The following ETV5 variants were observed in gnomAD, a reference collection of about 807,000 sequenced individuals.
The protein encoded by ETV5 is ETS variant transcription factor 5.
In ETV5, 10 loss-of-function variants were observed where a neutral mutation model predicts 70.0. The observed-to-expected ratio is 0.14, with a 90% CI of 0.09 to 0.24. ETV5 has a LOEUF of 0.24. Among genes scored for constraint, ETV5 ranks in the 10% least tolerant of loss-of-function variants. The pLI is 1.00. For synonymous variants in ETV5, 216 were observed against 242.2 expected, an observed-to-expected ratio of 0.89 and a Z score of 1.01; for missense variants, 453 against 651.2, an observed-to-expected ratio of 0.70 and a Z score of 3.31.
rs780199235 is a variant in ETV5 at position 186,065,825 on chromosome 3, A to C, written c.898T>G (p.Cys300Gly). 4 of 1,614,166 alleles carry C rather than the reference A, an allele frequency of 2.5e-6. No homozygotes were observed. Among genetic ancestry groups the C allele is most frequent in the Non-Finnish European group, 3.4e-6 (4 of 1,180,038 alleles). The change falls in exon 8 of 13, where the codon TGC becomes GGC. Residue 300 changes from cysteine to glycine, a missense_variant. Transcript: ENST00000306376. ...ATTTGATGCTGACCTGAATCGACGC[A>C]GTAATCCCGAGGCTCCTGCTTGATT... ...MGIKQEPRDY[C>G]VDSEVPNCQS...
At chr3:186,055,751 G>A (rs888942420) in intron 11 of ETV5, among the ~76,000 whole-genome samples, 9 of 152,046 alleles carry the variant, frequency 5.9e-5, no homozygotes, top group African/African-American at 1.9e-4. Context: ...CAAGTCCCCG[G>A]TTGCTACCTC....
chr3:186,103,306 G>A (rs1258227360), intron 5 of ETV5, among the ~76,000 whole-genome samples: 1 of 152,144 alleles, frequency 6.6e-6, no homozygotes, highest in Non-Finnish European at 1.5e-5. Flanking sequence ...CACATTTATT[G>A]ATTTCTTCAC....
chr3:186,098,407 T>C (rs1357021606), intron 5 of ETV5, among the ~76,000 whole-genome samples: 1 of 152,110 alleles, frequency 6.6e-6, no homozygotes, highest in East Asian at 1.9e-4. Context: ...GCCACCTGGC[T>C]TCCTCCCCAG....
intron 7 of ETV5, 140 bp downstream of exon 7, chr3:186,079,677 A>T: frequency 3.8e-6 from 3 of 796,038 alleles, no homozygotes; most frequent in East Asian, 2.7e-5. Flanking sequence ...TATTATCATT[A>T]GTCTTGCCTC....
rs1003804641 is a variant in ETV5 at position 186,108,489 on chromosome 3, G to A, written c.-75+451C>T. 2.3e-6 allele frequency: 3 copies of A among 1,282,750 alleles called. No individual in the cohort carries two copies. In the African/African-American group the frequency reaches 4.6e-5, roughly 20 times the overall value. The allele number at this position is 1,282,750 out of a possible 1,614,324, so 79.5% of individuals were successfully genotyped here. A position where few individuals can be genotyped will look rare whatever the true frequency, so the allele number is the denominator to read the frequency against. ...ATTTACCCCCTCCCGGTGCTCTGGG[G>A]GGCAGCGCCTCTCAGACATTCCCCT... On this transcript the variant is annotated intron_variant, in intron 1 of 12. Transcript: ENST00000306376.
At chr3:186,072,725 T>C (rs2150146843) in intron 7 of ETV5, among the ~76,000 whole-genome samples, 1 of 152,354 alleles carries the variant, frequency 6.6e-6, no homozygotes, top group East Asian at 1.9e-4. Context: ...GCATGTCCTT[T>C]GTAGGCCTAC....
intron 5 of ETV5, among the ~76,000 whole-genome samples, chr3:186,097,455 C>T (rs970441319): frequency 6.6e-6 from 1 of 152,132 alleles, no homozygotes; most frequent in Non-Finnish European, 1.5e-5. Flanking sequence ...AGGCAGGAAT[C>T]CTCAATGGGG....
chr3:186,048,547 G>C lies in ETV5; in HGVS notation c.*92C>G. The C allele has an allele frequency of 8.2e-7, 1 of 1,213,162 alleles. No individual in the cohort carries two copies. The highest frequency in any genetic ancestry group is 1.2e-6 in the Non-Finnish European group (1 of 834,214). 75.1% of individuals were successfully genotyped at this position (1,213,162 alleles called of 1,614,324 possible). On this transcript the variant is annotated 3_prime_UTR_variant, in exon 13 of 13. Coordinates refer to ENST00000306376, the MANE Select transcript of ETV5 (RefSeq NM_004454.3). ...ATAATACTCAAAGGGCAAGCTTTAG[G>C]AACAACCAAAAACACAAACAAAACC... is the stretch of plus-strand genomic sequence containing the variant.
chr3:186,064,239 A>G (rs1020914852), intron 9 of ETV5, 178 bp downstream of exon 9: 1 of 625,198 alleles, frequency 1.6e-6, no homozygotes, highest in Middle Eastern at 4.2e-4. Context: ...TCATGAGCTA[A>G]GCAAGGTTTA....
Position 186,106,184 on chromosome 3 carries a change from T to C in ETV5, c.-74-242A>G, listed in dbSNP as rs4686731. Reference sequence around the variant, plus strand: ...CATCATTTTTTCTTTCTTATTTAAATCATTAAAATTACAGATTTGCTACTG... The same window carrying C: ...CATCATTTTTTCTTTCTTATTTAAACCATTAAAATTACAGATTTGCTACTG... On this transcript the variant is annotated intron_variant, in intron 1 of 12. Transcript: ENST00000306376. Among the ~76,000 whole-genome samples the C allele has an allele frequency of 0.024, 3,605 of 152,176 alleles. 109 individuals are homozygous for C. Among genetic ancestry groups the C allele is most frequent in the Admixed American group, 0.079 (1,202 of 15,292 alleles).
intron 7 of ETV5, among the ~76,000 whole-genome samples, chr3:186,067,062 A>T (rs1388010795): frequency 1.3e-5 from 2 of 152,250 alleles, no homozygotes; most frequent in African/African-American, 4.8e-5. Context: ...TGGGAGGCTG[A>T]GGCGGGCAGA....
At chr3:186,075,725 G>A (rs1238635039) in intron 7 of ETV5, among the ~76,000 whole-genome samples, 7 of 152,196 alleles carry the variant, frequency 4.6e-5, no homozygotes, top group African/African-American at 1.7e-4. Flanking sequence ...CAGCATGCTA[G>A]CCTACCACAA....
chr3:186,060,342 C>T (rs1172698433), intron 9 of ETV5, among the ~76,000 whole-genome samples: 1 of 152,150 alleles, frequency 6.6e-6, no homozygotes, highest in East Asian at 1.9e-4. Context: ...CTAGTCATCG[C>T]CACATGTGGT....
In ETV5 at chr3:186,047,377, C is replaced by T; in HGVS notation, c.*1262G>A. 1 of 231,914 alleles carries T rather than the reference C, an allele frequency of 4.3e-6. No individual in the cohort carries two copies. Among genetic ancestry groups the T allele is most frequent in the East Asian group, 6.1e-5 (1 of 16,360 alleles). 14.4% of individuals were successfully genotyped at this position (231,914 alleles called of 1,614,324 possible). ...GAATCACACAGGTAGGGTTTAAAGT[C>T]CAAGATTTAAAGAAAAAGGAAAACA... On this transcript the variant is annotated 3_prime_UTR_variant, in exon 13 of 13. Transcript: ENST00000306376.
chr3:186,105,786 A>T lies in ETV5; in HGVS notation c.45+38T>A. On this transcript the variant is annotated intron_variant, in intron 2 of 12. Transcript: ENST00000306376. The surrounding 1 kb of genome is among the most constrained non-coding windows in gnomAD (Gnocchi z 4.5). ...CACAGGGGGAAGACTCATATTGGAG[A>T]GGGAGGACAAAACAAACCAAAAGCC... 1.2e-6 allele frequency: 2 copies of T among 1,611,000 alleles called. No homozygotes were observed. The highest frequency in any genetic ancestry group is 1.7e-6 in the Non-Finnish European group (2 of 1,177,178).
At chr3:186,075,095 C>G (rs1713748780) in intron 7 of ETV5, among the ~76,000 whole-genome samples, 1 of 152,100 alleles carries the variant, frequency 6.6e-6, no homozygotes, top group African/African-American at 2.4e-5. Flanking sequence ...TAAAAGGTAA[C>G]AAGAAGCCTA....
chr3:186,051,476 C>A (rs886612168), intron 12 of ETV5, among the ~76,000 whole-genome samples: 1 of 152,232 alleles, frequency 6.6e-6, no homozygotes, highest in Non-Finnish European at 1.5e-5. Flanking sequence ...GCTTCATCCT[C>A]TATTCCACAA....
intron 7 of ETV5, chr3:186,076,193 G>C (rs1188042546): frequency 4.5e-6 from 1 of 223,568 alleles, no homozygotes; most frequent in South Asian, 1.8e-4. Flanking sequence ...TATAAATCAT[G>C]GCTTTCAAAC....
At chr3:186,049,243 TAC>T (rs1214052967) in intron 12 of ETV5, among the ~76,000 whole-genome samples, 1 of 152,240 alleles carries the variant, frequency 6.6e-6, no homozygotes. Context: ...TTCCAGAGTT[TAC>T]AGTCTTCACA....
Sources: gnomAD v4.1 joint callset for allele counts (sites outside exome capture counted in the v4.1 genomes callset) on GRCh38, gnomAD v4.1.1 for gene constraint, Gnocchi (gnomAD v3.1) non-coding constraint, MANE v1.5 for transcripts, NCBI Gene and HGNC (gene_info 2026-07-23, HGNC 2026-07-21) for gene names.